ARID5B: variants seen among roughly 807,000 people sequenced by gnomAD.
ARID5B encodes the protein AT-rich interactive domain-containing protein 5B.
ARID5B carries 13 observed loss-of-function variants against 97.2 expected under a neutral mutation model. The observed-to-expected ratio is 0.13, with a 90% CI of 0.09 to 0.21. The LOEUF is 0.21. Among genes scored for constraint, ARID5B ranks in the 10% least tolerant of loss-of-function variants. ARID5B has a pLI of 1.00. For missense variants in ARID5B, 1,210 were observed against 1,465.3 expected, an observed-to-expected ratio of 0.83 and a Z score of 2.84; for synonymous variants, 556 against 570.3, an observed-to-expected ratio of 0.97 and a Z score of 0.36.
intron 3 of ARID5B, among the ~76,000 whole-genome samples, chr10:61,989,558 A>G (rs1004146021): frequency 6.6e-6 from 1 of 152,246 alleles, no homozygotes; most frequent in Non-Finnish European, 1.5e-5. Context: ...GACATATTAC[A>G]TATGATTTGA....
chr10:62,023,268 CA>C (rs945024296), intron 4 of ARID5B, among the ~76,000 whole-genome samples: 3 of 152,228 alleles, frequency 2.0e-5, no homozygotes, highest in African/African-American at 7.2e-5. Context: ...ACTTCTTGTG[CA>C]TTTGCTCCTT....
chr10:62,025,740 T>C (rs907125016), intron 4 of ARID5B, among the ~76,000 whole-genome samples: 1 of 151,628 alleles, frequency 6.6e-6, no homozygotes, highest in African/African-American at 2.4e-5. Flanking sequence ...CCTTTATTTA[T>C]GTAGTTTCTT....
At chr10:61,910,045 C>T (rs116779065) in intron 2 of ARID5B, among the ~76,000 whole-genome samples, 37 of 152,294 alleles carry the variant, frequency 2.4e-4, no homozygotes, top group African/African-American at 8.9e-4. Context: ...GCAGTTCATA[C>T]GAGCCAGCAT....
rs1021813832 is a variant in ARID5B at position 62,000,589 on chromosome 10, T to C, written c.733+268T>C. On this transcript the variant is annotated intron_variant, in intron 4 of 9. Transcript: ENST00000279873. This position sits in a 1 kb window ranked among gnomAD's most constrained non-coding sequence, Gnocchi z 4.4. Reference sequence around the variant, plus strand: ...CTTGGTCGACCTTGAAATTGGACTTTAGGACAGGAAGCTTTCATGTTACTT... The same window carrying C: ...CTTGGTCGACCTTGAAATTGGACTTCAGGACAGGAAGCTTTCATGTTACTT... Among the ~76,000 whole-genome samples, 1 of 152,186 alleles carries C rather than the reference T, an allele frequency of 6.6e-6. No homozygotes were observed. The highest frequency in any genetic ancestry group is 1.5e-5 in the Non-Finnish European group (1 of 68,026).
intron 2 of ARID5B, among the ~76,000 whole-genome samples, chr10:61,912,973 T>A (rs1843835490): frequency 6.6e-6 from 1 of 152,224 alleles, no homozygotes; most frequent in African/African-American, 2.4e-5. Flanking sequence ...TAAGGCAAAT[T>A]AGCCAGATAC....
intron 3 of ARID5B, among the ~76,000 whole-genome samples, chr10:61,984,855 C>T (rs935217566): frequency 5.9e-5 from 9 of 152,060 alleles, no homozygotes; most frequent in Non-Finnish European, 1.3e-4. Context: ...TCCTTCTGAC[C>T]TTTTGAGGCA....
intron 3 of ARID5B, among the ~76,000 whole-genome samples, chr10:61,950,653 C>T (rs1838311208): frequency 2.0e-5 from 3 of 152,126 alleles, no homozygotes. Context: ...CTGGGCAACC[C>T]ACACTGCATT....
intron 4 of ARID5B, among the ~76,000 whole-genome samples, chr10:62,017,469 A>T (rs138453875): frequency 6.6e-6 from 1 of 151,440 alleles, no homozygotes; most frequent in Non-Finnish European, 1.5e-5. Context: ...AAAATAAGTC[A>T]TGGTATTTTG....
chr10:62,046,752 G>T (rs1839713195), intron 4 of ARID5B: 1 of 152,094 alleles, frequency 6.6e-6, no homozygotes, highest in African/African-American at 2.4e-5. Context: ...ACTGGTTAAG[G>T]AGGGTAATAT....
At chr10:61,973,784 A>G (rs1589241470) in intron 3 of ARID5B, among the ~76,000 whole-genome samples, 1 of 152,134 alleles carries the variant, frequency 6.6e-6, no homozygotes, top group East Asian at 1.9e-4. Flanking sequence ...AGTTTATTTT[A>G]TTTCTTTTCT....
chr10:61,948,384 T>TC (rs1297682385), intron 3 of ARID5B, among the ~76,000 whole-genome samples: 2 of 138,780 alleles, frequency 1.4e-5, no homozygotes, highest in African/African-American at 5.4e-5. Context: ...TAGGTAATTT[T>TC]TTTTTTTTTT....
Position 61,922,103 on chromosome 10 carries a change from T to C in ARID5B, c.277-18080T>C, listed in dbSNP as rs1357665544. Among the ~76,000 whole-genome samples the C allele has an allele frequency of 2.6e-5, 4 of 152,374 alleles. No individual in the cohort carries two copies. The South Asian group carries it at 8.3e-4, about 32-fold the overall frequency. On this transcript the variant is annotated intron_variant, in intron 2 of 9. Coordinates refer to ENST00000279873, the MANE Select transcript of ARID5B (RefSeq NM_032199.3). Reference sequence around the variant, plus strand: ...GATGACATACACAGTAGACTGCAGATTGCCTAATCTTTTGAAGATTTGTTA... The same window carrying C: ...GATGACATACACAGTAGACTGCAGACTGCCTAATCTTTTGAAGATTTGTTA...
chr10:62,034,154 C>T (rs1839531728), intron 4 of ARID5B, among the ~76,000 whole-genome samples: 1 of 152,164 alleles, frequency 6.6e-6, no homozygotes, highest in Non-Finnish European at 1.5e-5. Context: ...TGCAACCTCT[C>T]TGTGTGCATG....
intron 2 of ARID5B, among the ~76,000 whole-genome samples, chr10:61,925,667 A>C (rs1016635847): frequency 1.1e-4 from 17 of 152,220 alleles, no homozygotes; most frequent in African/African-American, 3.9e-4. Context: ...TGGTAAGCCC[A>C]AGAGGAAAGA....
chr10:62,047,050 T>C (rs6479782), intron 4 of ARID5B: 76,680 of 151,838 alleles, frequency 0.51, 20,158 homozygotes, highest in African/African-American at 0.65. Context: ...CTGTTAGAGA[T>C]AAGTTGCTTA....
chr10:62,030,820 G>T (rs1839487647), intron 4 of ARID5B, among the ~76,000 whole-genome samples: 1 of 152,200 alleles, frequency 6.6e-6, no homozygotes, highest in African/African-American at 2.4e-5. Flanking sequence ...GGAGCGCAAA[G>T]GGTCTAAAAA....
At chr10:61,993,937 C>A (rs1838962470) in intron 3 of ARID5B, among the ~76,000 whole-genome samples, 1 of 151,826 alleles carries the variant, frequency 6.6e-6, no homozygotes, top group African/African-American at 2.4e-5. Context: ...CAAAACTAGA[C>A]ATCAAGCTTT....
intron 3 of ARID5B, among the ~76,000 whole-genome samples, chr10:61,999,550 G>A (rs1173236866): frequency 6.6e-6 from 1 of 152,166 alleles, no homozygotes; most frequent in African/African-American, 2.4e-5. Context: ...AGCCTTACAG[G>A]AGAGTGTCCT....
At chr10:62,023,025 C>T (rs947186061) in intron 4 of ARID5B, among the ~76,000 whole-genome samples, 2 of 152,314 alleles carry the variant, frequency 1.3e-5, no homozygotes, top group East Asian at 3.9e-4. Flanking sequence ...CTGTGTTTGT[C>T]TCTTTGCCCT....
Sources: allele counts gnomAD v4.1 joint callset (sites outside exome capture counted in the v4.1 genomes callset), GRCh38; gene constraint gnomAD v4.1.1; non-coding constraint Gnocchi (gnomAD v3.1); transcripts MANE v1.5; gene names NCBI Gene and HGNC (gene_info 2026-07-23, HGNC 2026-07-21).